Variants in NAV2 observed in about 807,000 individuals in gnomAD.
The protein encoded by NAV2 is neuron navigator 2.
NAV2 carries 54 observed loss-of-function variants against 223.2 expected under a neutral mutation model. The observed-to-expected ratio is 0.24, with a 90% CI of 0.19 to 0.30. NAV2 has a LOEUF of 0.30. NAV2 is among the 10% of genes least tolerant of loss of function. NAV2 has a pLI of 1.00. For missense variants in NAV2, 2,806 were observed against 3,147.5 expected, an observed-to-expected ratio of 0.89 and a Z score of 2.60; for synonymous variants, 1,279 against 1,239.3, an observed-to-expected ratio of 1.03 and a Z score of -0.67.
At chr11:19,502,984 C>T (rs949478249) in intron 1 of NAV2, 5 of 152,152 alleles carry the variant, frequency 3.3e-5, no homozygotes, top group Non-Finnish European at 7.4e-5. Context: ...ACCTGGACTT[C>T]GCCTCTGGAT....
intron 3 of NAV2, among the ~76,000 whole-genome samples, chr11:19,851,943 T>G (rs2707110): frequency 0.38 from 58,413 of 151,980 alleles, 11,925 homozygotes; most frequent in African/African-American, 0.53. Flanking sequence ...GGAAGTAAAG[T>G]TGGAGAGAGA....
chr11:19,952,278 G>T (rs1260982022), intron 10 of NAV2, among the ~76,000 whole-genome samples: 1 of 152,198 alleles, frequency 6.6e-6, no homozygotes, highest in Non-Finnish European at 1.5e-5. Flanking sequence ...GGGCAGACCA[G>T]GGCTTAAACC....
At chr11:19,373,230 T>C (rs1288028960) in intron 1 of NAV2, among the ~76,000 whole-genome samples, 1 of 152,216 alleles carries the variant, frequency 6.6e-6, no homozygotes, top group Non-Finnish European at 1.5e-5. Context: ...TTTAGGCTTT[T>C]GGCCTTACCT....
chr11:19,605,362 G>A (rs1401586400), intron 1 of NAV2, among the ~76,000 whole-genome samples: 2 of 152,062 alleles, frequency 1.3e-5, no homozygotes, highest in Non-Finnish European at 1.5e-5. Flanking sequence ...CTCCCAAGGA[G>A]AGTAAAGGAA....
intron 6 of NAV2, among the ~76,000 whole-genome samples, chr11:19,932,257 A>AAAAAAAAAAG (rs1555153008): frequency 6.2e-4 from 62 of 100,010 alleles, no homozygotes; most frequent in East Asian, 1.5e-3. Context: ...AAAAAAAAAA[A>AAAAAAAAAAG]AAAGAAAGAA....
At chr11:19,559,531 T>G (rs534598593) in intron 1 of NAV2, among the ~76,000 whole-genome samples, 4 of 152,234 alleles carry the variant, frequency 2.6e-5, no homozygotes, top group African/African-American at 9.6e-5. Flanking sequence ...AGATTTTAAT[T>G]TGAACTTCAT....
At chr11:19,989,354 A>T (rs1485196307) in intron 11 of NAV2, among the ~76,000 whole-genome samples, 1 of 152,180 alleles carries the variant, frequency 6.6e-6, no homozygotes, top group Non-Finnish European at 1.5e-5. Flanking sequence ...GAAGAAGGCT[A>T]CAGCCCAAGA....
intron 1 of NAV2, among the ~76,000 whole-genome samples, chr11:19,389,844 C>T (rs1479705083): frequency 6.6e-6 from 1 of 152,200 alleles, no homozygotes. Context: ...TTGCTAAGCT[C>T]TTCATGGTGA....
chr11:19,829,974 C>T (rs991749393), intron 1 of NAV2, among the ~76,000 whole-genome samples: 1 of 152,148 alleles, frequency 6.6e-6, no homozygotes, highest in Admixed American at 6.5e-5. Flanking sequence ...CGCCTGTAAT[C>T]CTAGCACTTT....
intron 1 of NAV2, among the ~76,000 whole-genome samples, chr11:19,454,703 T>G (rs1470525593): frequency 6.6e-6 from 1 of 152,014 alleles, no homozygotes; most frequent in Non-Finnish European, 1.5e-5. Flanking sequence ...ACTGTAACCG[T>G]GAATTAATGG....
chr11:19,390,014 T>C (rs1023870308), intron 1 of NAV2, among the ~76,000 whole-genome samples: 1 of 152,254 alleles, frequency 6.6e-6, no homozygotes, highest in African/African-American at 2.4e-5. Flanking sequence ...GGCTAGAGTT[T>C]TGTAATCTGC....
At chr11:19,356,227 T>G (rs1273894788) in intron 1 of NAV2, among the ~76,000 whole-genome samples, 1 of 152,298 alleles carries the variant, frequency 6.6e-6, no homozygotes, top group African/African-American at 2.4e-5. Flanking sequence ...TGTAGCCAGA[T>G]GCAACTCCAT....
intron 3 of NAV2, among the ~76,000 whole-genome samples, chr11:19,859,090 T>C (rs2061536513): frequency 6.6e-6 from 1 of 151,086 alleles, no homozygotes; most frequent in South Asian, 2.1e-4. Context: ...TGTGGGCATC[T>C]GTCAGGGAGC....
intron 1 of NAV2, among the ~76,000 whole-genome samples, chr11:19,628,516 C>T (rs143151392): frequency 2.6e-5 from 4 of 152,162 alleles, no homozygotes; most frequent in African/African-American, 7.2e-5. Flanking sequence ...GATATATATT[C>T]GAAAGCCTCT....
chr11:19,656,366 A>G (rs2135699443), intron 1 of NAV2, among the ~76,000 whole-genome samples: 1 of 152,306 alleles, frequency 6.6e-6, no homozygotes, highest in South Asian at 2.1e-4. Context: ...CATCTGGCAG[A>G]AGGGCCATCA....
chr11:20,109,087 T>G (rs192567441), intron 36 of NAV2, among the ~76,000 whole-genome samples: 1 of 91,430 alleles, frequency 1.1e-5, no homozygotes, highest in Admixed American at 1.1e-4. Context: ...CTGCAGTCAG[T>G]GTTTGTCATT....
chr11:19,787,594 T>C (rs937316095), intron 1 of NAV2, among the ~76,000 whole-genome samples: 3 of 152,194 alleles, frequency 2.0e-5, no homozygotes, highest in Admixed American at 6.5e-5. Flanking sequence ...CATTTCTCTA[T>C]CTGGAAGATT....
At chr11:19,683,794 C>G (rs1290243480) in intron 1 of NAV2, among the ~76,000 whole-genome samples, 1 of 152,196 alleles carries the variant, frequency 6.6e-6, no homozygotes, top group Non-Finnish European at 1.5e-5. Flanking sequence ...AGCACAAGGA[C>G]AAGGCCACAT....
At chr11:19,999,132 A>G (rs2052273562) in intron 11 of NAV2, among the ~76,000 whole-genome samples, 1 of 152,274 alleles carries the variant, frequency 6.6e-6, no homozygotes. Context: ...GCCAATAACC[A>G]GAACAGGGCT....
Sources: gnomAD v4.1 joint callset for allele counts (sites outside exome capture counted in the v4.1 genomes callset) on GRCh38, gnomAD v4.1.1 for gene constraint, MANE v1.5 for transcripts, NCBI Gene and HGNC (gene_info 2026-07-23, HGNC 2026-07-21) for gene names.